Variants in VPS35L observed in about 807,000 individuals in gnomAD.
VPS35L encodes the protein VPS35 endosomal protein sorting factor like.
A neutral mutation model predicts 133.0 loss-of-function variants in VPS35L; 83 were observed. That is an observed-to-expected ratio of 0.62 (90% CI 0.52 to 0.75). VPS35L has a LOEUF of 0.75. VPS35L is among the 30% of genes least tolerant of loss of function. VPS35L has a pLI of 0.00. For missense variants in VPS35L, 1,083 were observed against 1,206.8 expected, an observed-to-expected ratio of 0.90 and a Z score of 1.52; for synonymous variants, 423 against 449.9, an observed-to-expected ratio of 0.94 and a Z score of 0.76.
intron 26 of VPS35L, 41 bp from the exon 27 acceptor site, chr16:19,669,119 C>T (rs368706488): frequency 3.1e-5 from 48 of 1,545,498 alleles, no homozygotes; most frequent in Non-Finnish European, 3.9e-5. Flanking sequence ...ACTAAATTTC[C>T]CAGAGTTCTA....
At chr16:19,641,978 G>C (rs1159050503) in intron 21 of VPS35L, among the ~76,000 whole-genome samples, 2 of 152,212 alleles carry the variant, frequency 1.3e-5, no homozygotes, top group African/African-American at 4.8e-5. Context: ...GGGAGGCTGA[G>C]GCAGGTGGAT....
intron 14 of VPS35L, among the ~76,000 whole-genome samples, chr16:19,624,557 C>T (rs1973200126): frequency 6.6e-6 from 1 of 152,000 alleles, no homozygotes; most frequent in African/African-American, 2.4e-5. Flanking sequence ...TGCACTCCAG[C>T]CTGGGCAACA....
intron 11 of VPS35L, 150 bp downstream of exon 11, chr16:19,609,171 A>G: frequency 1.4e-6 from 1 of 695,726 alleles, no homozygotes; most frequent in Non-Finnish European, 2.5e-6. Context: ...ATTGAATCCA[A>G]ATGAAAACTG....
rs113583268 is a variant in VPS35L, at chr16:19,615,898, C to T, written c.1024-216C>T. On this transcript the variant is annotated intron_variant, in intron 12 of 30. Coordinates refer to ENST00000417362, the MANE Select transcript of VPS35L (RefSeq NM_020314.7). Reference sequence around the variant, plus strand: ...AGGAGAATCCCTTGAACCAGGGAGTCGGTGGTTGCAGTCAGCTGAAATCGC... The same window carrying T: ...AGGAGAATCCCTTGAACCAGGGAGTTGGTGGTTGCAGTCAGCTGAAATCGC... 2.9e-3 allele frequency among the ~76,000 whole-genome samples: 434 copies of T among 151,390 alleles called. 2 individuals are homozygous for T. Among genetic ancestry groups the T allele is most frequent in the African/African-American group, 9.8e-3 (402 of 41,196 alleles).
chr16:19,606,456 T>A (rs1332961124), intron 9 of VPS35L, among the ~76,000 whole-genome samples: 1 of 152,178 alleles, frequency 6.6e-6, no homozygotes, highest in Non-Finnish European at 1.5e-5. Context: ...AAATGGTCAT[T>A]TCCCATCCTT....
At chr16:19,691,596 C>T in intron 29 of VPS35L, 125 bp downstream of exon 29, 1 of 700,046 alleles carries the variant, frequency 1.4e-6, no homozygotes, top group Non-Finnish European at 2.5e-6. Flanking sequence ...TATGTGCAAA[C>T]CACTTCTCCA....
intron 28 of VPS35L, among the ~76,000 whole-genome samples, chr16:19,690,240 G>GT (rs1228245118): frequency 7.9e-5 from 12 of 152,274 alleles, no homozygotes; most frequent in Non-Finnish European, 1.5e-4. Context: ...AAAACAAAGT[G>GT]TAAAGCAGCA....
intron 6 of VPS35L, 24 bp downstream of exon 6, chr16:19,579,152 C>T: frequency 6.2e-7 from 1 of 1,607,806 alleles, no homozygotes; most frequent in Non-Finnish European, 8.5e-7. Flanking sequence ...TTGTGGAATA[C>T]AGGGAGTGGG....
chr16:19,659,053 G>C (rs1000011122), intron 26 of VPS35L, among the ~76,000 whole-genome samples: 1 of 152,126 alleles, frequency 6.6e-6, no homozygotes. Context: ...ATAACATAGG[G>C]TTGTATTTCT....
In VPS35L at chr16:19,589,278, C is replaced by G. The variant is rs1971966877; in HGVS notation, c.640-2512C>G. Among the ~76,000 whole-genome samples, 3 of 152,184 alleles carry G rather than the reference C, an allele frequency of 2.0e-5. No homozygotes were observed. The South Asian group carries it at 6.2e-4, about 31-fold the overall frequency. Reference sequence around the variant, plus strand: ...CTTTTTTCTGAGACAGATTCTTGCTCTGTCTTCCAGACTGGAGTGCAGTGG... The same window carrying G: ...CTTTTTTCTGAGACAGATTCTTGCTGTGTCTTCCAGACTGGAGTGCAGTGG... On this transcript the variant is annotated intron_variant, in intron 7 of 30. Coordinates refer to ENST00000417362, the MANE Select transcript of VPS35L (RefSeq NM_020314.7).
intron 1 of VPS35L, among the ~76,000 whole-genome samples, chr16:19,558,076 A>G (rs1970917899): frequency 6.6e-6 from 1 of 152,296 alleles, no homozygotes; most frequent in Admixed American, 6.5e-5. Context: ...TCTCAAAAAA[A>G]AAAAGTTAAA....
rs767737809 is a variant in VPS35L, at chr16:19,691,481, C to T, written c.2646+10C>T. On this transcript the variant is annotated intron_variant, in intron 29 of 30. Coordinates refer to ENST00000417362, the MANE Select transcript of VPS35L (RefSeq NM_020314.7). The stretch of plus-strand genomic sequence containing the variant: ...CCTGGCCAAGGACGAGGTGGGTGCC[C>T]TCTGCTGTCCTCCACCCGCCCCTTG... 4.4e-6 allele frequency: 7 copies of T among 1,595,162 alleles called. No individual in the cohort carries two copies. The highest frequency in any genetic ancestry group is 2.2e-5 in the East Asian group (1 of 44,750).
chr16:19,589,440 T>C (rs1426889369), intron 7 of VPS35L, among the ~76,000 whole-genome samples: 1 of 152,030 alleles, frequency 6.6e-6, no homozygotes, highest in Non-Finnish European at 1.5e-5. Context: ...AACTGGGGTC[T>C]CACTACATTG....
intron 29 of VPS35L, among the ~76,000 whole-genome samples, chr16:19,693,606 T>C (rs925107588): frequency 4.0e-5 from 6 of 151,858 alleles, no homozygotes; most frequent in Non-Finnish European, 5.9e-5. Context: ...CATGGCAAAA[T>C]CCCACCTCTA....
chr16:19,673,964 C>A (rs11859198), intron 27 of VPS35L, among the ~76,000 whole-genome samples: 51,659 of 151,610 alleles, frequency 0.34, 8,992 homozygotes, highest in African/African-American at 0.36. Context: ...TGCTCAAGTT[C>A]ATTGAGCACT....
chr16:19,591,271 A>G (rs879454704), intron 7 of VPS35L, among the ~76,000 whole-genome samples: 6 of 152,186 alleles, frequency 3.9e-5, no homozygotes, highest in African/African-American at 1.4e-4. Flanking sequence ...CTGCAAAGCA[A>G]TTGAACAAAG....
intron 12 of VPS35L, among the ~76,000 whole-genome samples, chr16:19,612,285 ACT>A (rs1972749245): frequency 7.0e-6 from 1 of 142,926 alleles, no homozygotes; most frequent in Non-Finnish European, 1.5e-5. Context: ...CCAGAGTCTC[ACT>A]CTGTTGCCCA....
chr16:19,575,883 C>T (rs763132357), intron 5 of VPS35L, among the ~76,000 whole-genome samples: 37 of 142,972 alleles, frequency 2.6e-4, no homozygotes, highest in Admixed American at 5.1e-4. Context: ...TGGCCTGGTG[C>T]GGTGGCTCAC....
At chr16:19,674,305 C>T (rs1399193446) in intron 27 of VPS35L, among the ~76,000 whole-genome samples, 1 of 145,348 alleles carries the variant, frequency 6.9e-6, no homozygotes, top group Non-Finnish European at 1.5e-5. Context: ...AATTCTCGTG[C>T]CTCAGTCTCC....
Sources: gnomAD v4.1 joint callset for allele counts (sites outside exome capture counted in the v4.1 genomes callset) on GRCh38, gnomAD v4.1.1 for gene constraint, MANE v1.5 for transcripts, NCBI Gene and HGNC (gene_info 2026-07-23, HGNC 2026-07-21) for gene names.